TAFA2: variants seen among roughly 807,000 people sequenced by gnomAD.
The protein encoded by TAFA2 is chemokine-like protein TAFA-2.
In TAFA2, 7 loss-of-function variants were observed where a neutral mutation model predicts 18.8. The observed-to-expected ratio is 0.37, with a 90% CI of 0.21 to 0.70. TAFA2 has a LOEUF of 0.70. Ranked by LOEUF, TAFA2 falls within the 30% of genes least tolerant of loss-of-function variation. The pLI, the probability that TAFA2 is intolerant of heterozygous loss-of-function variation, is 0.53. For synonymous variants in TAFA2, 60 were observed against 54.2 expected (o/e 1.11, Z -0.47); for missense variants, 122 against 158.1 (o/e 0.77, Z 1.23).
At chr12:62,066,103 A>G (rs999341762) in intron 1 of TAFA2, among the ~76,000 whole-genome samples, 1 of 147,216 alleles carries the variant, frequency 6.8e-6, no homozygotes, top group African/African-American at 2.5e-5. Context: ...AGGCTGGATA[A>G]CACTGTTTTT....
intron 1 of TAFA2, among the ~76,000 whole-genome samples, chr12:62,082,751 T>A (rs1313715774): frequency 6.6e-6 from 1 of 152,160 alleles, no homozygotes; most frequent in Non-Finnish European, 1.5e-5. Flanking sequence ...TAATAACCAG[T>A]CACCAACTCA....
Position 62,156,338 on chromosome 12 carries a change from C to T in TAFA2, c.-2+34921G>A, listed in dbSNP as rs2062369492. ...GCCGTGATCAGTGAACACTGCCACA[C>T]TGCTGGTGGGAATGTAAACGAGTAC... On this transcript the variant is annotated intron_variant, in intron 1 of 4. Transcript: ENST00000416284. 2.0e-5 allele frequency among the ~76,000 whole-genome samples: 3 copies of T among 152,152 alleles called. No individual in the cohort carries two copies. In the South Asian group the frequency reaches 6.2e-4, roughly 32 times the overall value.
At chr12:62,084,467 C>T (rs918604660) in intron 1 of TAFA2, among the ~76,000 whole-genome samples, 6 of 152,118 alleles carry the variant, frequency 3.9e-5, no homozygotes, top group African/African-American at 9.7e-5. Flanking sequence ...TATTTACTAA[C>T]GCAGAGTCAA....
chr12:61,966,672 C>G (rs1879079138), intron 1 of TAFA2, among the ~76,000 whole-genome samples: 1 of 151,846 alleles, frequency 6.6e-6, no homozygotes, highest in African/African-American at 2.4e-5. Context: ...TCAATAAATA[C>G]TTATGCAATT....
At chr12:61,992,855 CTA>C (rs1182236151) in intron 1 of TAFA2, among the ~76,000 whole-genome samples, 2 of 152,238 alleles carry the variant, frequency 1.3e-5, no homozygotes, top group Non-Finnish European at 2.9e-5. Flanking sequence ...TTGTGATTTC[CTA>C]TGTTTGTTGA....
intron 3 of TAFA2, among the ~76,000 whole-genome samples, chr12:61,754,318 A>G (rs7964126): frequency 0.37 from 56,364 of 151,404 alleles, 10,625 homozygotes; most frequent in African/African-American, 0.45. Flanking sequence ...ATTACTATTT[A>G]TGGTAACATC....
intron 1 of TAFA2, among the ~76,000 whole-genome samples, chr12:62,165,469 T>C (rs1257392852): frequency 6.6e-6 from 1 of 152,136 alleles, no homozygotes; most frequent in Non-Finnish European, 1.5e-5. Flanking sequence ...AGCCCTAGTC[T>C]TTCCTGAAAT....
intron 1 of TAFA2, chr12:61,880,214 G>A: frequency 2.0e-6 from 1 of 493,130 alleles, no homozygotes; most frequent in South Asian, 1.7e-5. Context: ...GAAGCACGGG[G>A]ATAACCTGAG....
intron 1 of TAFA2, among the ~76,000 whole-genome samples, chr12:61,960,927 T>G (rs1031526971): frequency 1.3e-5 from 2 of 151,966 alleles, no homozygotes; most frequent in Non-Finnish European, 2.9e-5. Context: ...ATGAGTCTGT[T>G]CTTGCATTGC....
chr12:62,044,495 G>A (rs1350804887), intron 1 of TAFA2, among the ~76,000 whole-genome samples: 1 of 152,032 alleles, frequency 6.6e-6, no homozygotes, highest in Non-Finnish European at 1.5e-5. Flanking sequence ...AAGAAAGCCC[G>A]CATAACCTGA....
At chr12:61,853,190 C>T (rs1873748995) in intron 2 of TAFA2, among the ~76,000 whole-genome samples, 1 of 152,006 alleles carries the variant, frequency 6.6e-6, no homozygotes, top group South Asian at 2.1e-4. Flanking sequence ...GTCAGTCATA[C>T]ATTAAGAAAT....
intron 1 of TAFA2, among the ~76,000 whole-genome samples, chr12:62,149,256 C>A (rs1188689929): frequency 1.3e-5 from 2 of 152,044 alleles, no homozygotes; most frequent in Non-Finnish European, 2.9e-5. Flanking sequence ...AAATCCAGGT[C>A]CTGTTCAATG....
intron 1 of TAFA2, among the ~76,000 whole-genome samples, chr12:62,005,808 T>G (rs766008223): frequency 6.6e-6 from 1 of 152,088 alleles, no homozygotes; most frequent in Non-Finnish European, 1.5e-5. Flanking sequence ...TGCCCTAAGT[T>G]GCACAAATAG....
intron 2 of TAFA2, among the ~76,000 whole-genome samples, chr12:61,780,589 C>T (rs1252093398): frequency 2.3e-4 from 35 of 151,468 alleles, no homozygotes; most frequent in Non-Finnish European, 3.0e-5. Context: ...CCATATATCC[C>T]TTTGACATTT....
intron 2 of TAFA2, among the ~76,000 whole-genome samples, chr12:61,786,707 C>A (rs986848076): frequency 6.6e-5 from 10 of 151,236 alleles, no homozygotes; most frequent in Non-Finnish European, 1.5e-4. Flanking sequence ...TAGATAGGAT[C>A]AATGTATTAT....
chr12:61,903,002 C>A (rs543042708), intron 1 of TAFA2, among the ~76,000 whole-genome samples: 9 of 152,204 alleles, frequency 5.9e-5, no homozygotes, highest in African/African-American at 2.2e-4. Flanking sequence ...CTTTTTTACA[C>A]TTCTATTCTT....
At chr12:61,936,614 C>A (rs1877779848) in intron 1 of TAFA2, among the ~76,000 whole-genome samples, 2 of 151,254 alleles carry the variant, frequency 1.3e-5, no homozygotes, top group Non-Finnish European at 3.0e-5. Context: ...ATAAATAAAT[C>A]CAGCATCCCT....
intron 1 of TAFA2, among the ~76,000 whole-genome samples, chr12:62,224,093 A>AC (rs2062775795): frequency 6.7e-6 from 1 of 148,686 alleles, no homozygotes; most frequent in Non-Finnish European, 1.5e-5. Context: ...ACACACACAC[A>AC]CACACACACA....
chr12:61,826,338 CTGTGTG>C (rs57736074), intron 2 of TAFA2, among the ~76,000 whole-genome samples: 12 of 149,144 alleles, frequency 8.0e-5, no homozygotes, highest in Non-Finnish European at 1.8e-4. Flanking sequence ...ATTAGTTCAT[CTGTGTG>C]TGTGTGTGTG....
Sources: gnomAD v4.1 joint callset for allele counts (sites outside exome capture counted in the v4.1 genomes callset) on GRCh38, gnomAD v4.1.1 for gene constraint, MANE v1.5 for transcripts, NCBI Gene and HGNC (gene_info 2026-07-23, HGNC 2026-07-21) for gene names.